Variants in PRKCI observed in about 807,000 individuals in gnomAD.
PRKCI encodes protein kinase C iota type.
PRKCI carries 43 observed loss-of-function variants against 84.0 expected under a neutral mutation model. The observed-to-expected ratio is 0.51, with a 90% CI of 0.40 to 0.66. PRKCI has a LOEUF of 0.66. Among genes scored for constraint, PRKCI ranks in the 30% least tolerant of loss-of-function variants. PRKCI has a pLI of 0.00. For synonymous variants in PRKCI, 216 were observed against 234.4 expected (o/e 0.92, Z 0.72); for missense variants, 459 against 745.6 (o/e 0.62, Z 4.48).
At chr3:170,245,299 A>G (rs1176983940) in intron 2 of PRKCI, among the ~76,000 whole-genome samples, 7 of 152,074 alleles carry the variant, frequency 4.6e-5, no homozygotes, top group Admixed American at 4.6e-4. Context: ...AGTTGGGGGT[A>G]GTCTGTGGGA....
At chr3:170,260,162 T>C (rs1733687706) in intron 3 of PRKCI, 104 bp downstream of exon 3, 1 of 713,942 alleles carries the variant, frequency 1.4e-6, no homozygotes, top group Non-Finnish European at 2.3e-6. Flanking sequence ...ATTTTCTCAA[T>C]CTCTGTGACT....
intron 1 of PRKCI, among the ~76,000 whole-genome samples, chr3:170,229,930 G>T (rs1274693022): frequency 6.6e-6 from 1 of 151,928 alleles, no homozygotes; most frequent in Non-Finnish European, 1.5e-5. Context: ...CTTCTGGATT[G>T]TTCCTATTTT....
intron 12 of PRKCI, among the ~76,000 whole-genome samples, chr3:170,287,809 C>CT (rs1333943537): frequency 2.1e-5 from 3 of 145,406 alleles, no homozygotes; most frequent in Non-Finnish European, 4.5e-5. Context: ...ACTCAGGAGA[C>CT]TAAGGCAGGA....
chr3:170,291,109 C>T lies in PRKCI; in HGVS notation c.1204-745C>T, dbSNP rs529183606. Among the ~76,000 whole-genome samples the T allele has an allele frequency of 6.7e-5, 10 of 149,790 alleles. 1 individual carries two copies. The South Asian group carries it at 8.6e-4, about 13-fold the overall frequency. On this transcript the variant is annotated intron_variant, in intron 12 of 17. Transcript: ENST00000295797. ...TGACATTGTGCCATTGCACTCCAGC[C>T]TGGGCAACAAAGTGAAACTCTGTCT...
chr3:170,291,975 T>G, intron 13 of PRKCI, 34 bp downstream of exon 13: 1 of 1,440,902 alleles, frequency 6.9e-7, no homozygotes, highest in Non-Finnish European at 9.8e-7. Context: ...ATTTTAGCTA[T>G]TGCTAGATGG....
chr3:170,273,721 G>A (rs1021668868), intron 7 of PRKCI, among the ~76,000 whole-genome samples: 14 of 151,796 alleles, frequency 9.2e-5, no homozygotes, highest in African/African-American at 2.9e-4. Context: ...AGGCTGAGGC[G>A]GGAAAATCGC....
intron 4 of PRKCI, among the ~76,000 whole-genome samples, chr3:170,265,334 A>G (rs572964109): frequency 1.2e-4 from 19 of 152,220 alleles, no homozygotes; most frequent in Non-Finnish European, 2.8e-4. Flanking sequence ...AAGCTTCCCC[A>G]GGTCAGGAAT....
intron 12 of PRKCI, among the ~76,000 whole-genome samples, chr3:170,287,455 C>CA (rs1164223941): frequency 6.6e-6 from 1 of 151,738 alleles, no homozygotes; most frequent in African/African-American, 2.4e-5. Context: ...TGTAGCATCA[C>CA]ACGTTGATTC....
At chr3:170,228,616 T>TACACACACACAC (rs36006947) in intron 1 of PRKCI, among the ~76,000 whole-genome samples, 1 of 147,286 alleles carries the variant, frequency 6.8e-6, no homozygotes, top group Non-Finnish European at 1.5e-5. Flanking sequence ...TATATATATA[T>TACACACACACAC]ACACACACAC....
chr3:170,252,605 C>CT (rs150533528), intron 2 of PRKCI, among the ~76,000 whole-genome samples: 66 of 146,016 alleles, frequency 4.5e-4, no homozygotes, highest in South Asian at 8.7e-4. Context: ...TTTTTCTAAC[C>CT]TTTTTTTTTT....
chr3:170,293,031 A>AC (rs1166467887), intron 13 of PRKCI, among the ~76,000 whole-genome samples: 2 of 143,952 alleles, frequency 1.4e-5, no homozygotes, highest in Non-Finnish European at 3.0e-5. Flanking sequence ...ACAGAGTGAG[A>AC]CCCCATCTCA....
chr3:170,275,333 T>C, intron 8 of PRKCI, 46 bp downstream of exon 8: 1 of 1,557,330 alleles, frequency 6.4e-7, no homozygotes, highest in Non-Finnish European at 8.7e-7. Flanking sequence ...AGCTTTTTAA[T>C]AAGGCTCAGG....
intron 4 of PRKCI, 98 bp from the exon 5 acceptor site, chr3:170,267,817 T>C (rs1238247014): frequency 1.3e-6 from 1 of 781,008 alleles, no homozygotes; most frequent in Non-Finnish European, 1.9e-6. Context: ...TTTTTTTTCT[T>C]GCAGTGAGTA....
intron 8 of PRKCI, among the ~76,000 whole-genome samples, chr3:170,279,665 A>T (rs948909725): frequency 2.0e-5 from 3 of 152,204 alleles, no homozygotes; most frequent in African/African-American, 7.2e-5. Context: ...TCGCTGAACT[A>T]CTTCATGCTT....
At chr3:170,293,260 T>A (rs1734607308) in intron 13 of PRKCI, 123 bp from the exon 14 acceptor site, 2 of 852,106 alleles carry the variant, frequency 2.3e-6, no homozygotes. Flanking sequence ...ACCATGATAG[T>A]TGGAATGCAT....
At chr3:170,240,849 C>T (rs1243484497) in intron 2 of PRKCI, among the ~76,000 whole-genome samples, 1 of 152,150 alleles carries the variant, frequency 6.6e-6, no homozygotes, top group African/African-American at 2.4e-5. Flanking sequence ...TCCTTGTACT[C>T]AAAACCAGTC....
intron 12 of PRKCI, among the ~76,000 whole-genome samples, chr3:170,290,111 C>T (rs1257609466): frequency 6.6e-6 from 1 of 151,842 alleles, no homozygotes; most frequent in Non-Finnish European, 1.5e-5. Context: ...TTGTGCTGCC[C>T]CTCTTTTTTG....
intron 2 of PRKCI, among the ~76,000 whole-genome samples, chr3:170,237,074 C>G (rs146328890): frequency 2.3e-3 from 353 of 152,154 alleles, no homozygotes; most frequent in African/African-American, 8.1e-3. Context: ...TTGACATAAA[C>G]CTGTAACAGA....
chr3:170,271,575 CT>C (rs1734006331), intron 6 of PRKCI, among the ~76,000 whole-genome samples: 1 of 152,096 alleles, frequency 6.6e-6, no homozygotes, highest in Non-Finnish European at 1.5e-5. Context: ...TCATTTCTCT[CT>C]CTTCTTTTTT....
Sources: gnomAD v4.1 joint callset for allele counts (sites outside exome capture counted in the v4.1 genomes callset) on GRCh38, gnomAD v4.1.1 for gene constraint, MANE v1.5 for transcripts, NCBI Gene and HGNC (gene_info 2026-07-23, HGNC 2026-07-21) for gene names.